The following DERA variants were observed in gnomAD, a reference collection of about 807,000 sequenced individuals.
DERA encodes deoxyribose-phosphate aldolase.
A neutral mutation model predicts 41.1 loss-of-function variants in DERA; 15 were observed. The ratio of observed to expected loss-of-function variants is 0.37; its 90% confidence interval spans 0.24 to 0.56. The LOEUF (loss-of-function observed/expected upper bound fraction) is 0.56, where lower values mean the gene tolerates loss of function less well. Ranked by LOEUF, DERA falls within the 20% of genes least tolerant of loss-of-function variation. DERA has a pLI of 0.81. For missense variants in DERA, 396 were observed against 403.4 expected (o/e 0.98, Z 0.16); for synonymous variants, 139 against 137.4 (o/e 1.01, Z -0.08).
rs1949121443 is a variant in DERA at position 16,035,544 on chromosome 12, C to T, written c.751-688C>T. Among the ~76,000 whole-genome samples, 1 of 152,158 alleles carries T rather than the reference C, an allele frequency of 6.6e-6. No individual in the cohort carries two copies. The highest frequency in any genetic ancestry group is 1.5e-5 in the Non-Finnish European group (1 of 68,016). On this transcript the variant is annotated intron_variant, in intron 7 of 8. Coordinates refer to ENST00000428559, the MANE Select transcript of DERA (RefSeq NM_015954.4). This position sits in a 1 kb window ranked among gnomAD's most constrained non-coding sequence, Gnocchi z 4.1. Reference sequence around the variant, plus strand: ...ATCATTTACGAATATCAGATATTGGCTGAATTCAGCTGTGTTATGATCAAC... The same window carrying T: ...ATCATTTACGAATATCAGATATTGGTTGAATTCAGCTGTGTTATGATCAAC...
chr12:15,926,217 A>G (rs1031449606), intron 1 of DERA, among the ~76,000 whole-genome samples: 6 of 151,384 alleles, frequency 4.0e-5, no homozygotes, highest in Non-Finnish European at 8.8e-5. Context: ...TTTCAAGATG[A>G]AGTCTTGCTA....
At position 15,921,665 on chromosome 12, in the gene DERA, T is replaced by TA. The variant is rs1213492253; in HGVS notation, c.31+10253dup. ...GGCCAGGCATGGTGGCTCATGCCTGTAATCCCAGCATTTTGGGAATCTGAG... is the reference window on the plus strand; with the variant it reads ...GGCCAGGCATGGTGGCTCATGCCTGTAAATCCCAGCATTTTGGGAATCTGAG... On this transcript the variant is annotated intron_variant, in intron 1 of 8. Transcript: ENST00000428559. The surrounding 1 kb of genome is among the most constrained non-coding windows in gnomAD (Gnocchi z 5.3). Among the ~76,000 whole-genome samples, 1 of 152,124 alleles carries TA rather than the reference T, an allele frequency of 6.6e-6. No homozygotes were observed. The highest frequency in any genetic ancestry group is 2.4e-5 in the African/African-American group (1 of 41,428).
chr12:16,024,850 A>G (rs1467930460), intron 6 of DERA, among the ~76,000 whole-genome samples: 1 of 152,186 alleles, frequency 6.6e-6, no homozygotes, highest in Non-Finnish European at 1.5e-5. Flanking sequence ...ATAACAATTT[A>G]AAGTAATAAT....
In DERA at chr12:15,965,917, A is replaced by G. The variant is rs924656447; in HGVS notation, c.508+2970A>G. Among the ~76,000 whole-genome samples, 3 of 151,930 alleles carry G rather than the reference A, an allele frequency of 2.0e-5. No homozygotes were observed. The highest frequency in any genetic ancestry group is 2.1e-4 in the South Asian group (1 of 4,808). ...CATTTTCAGAAGCCCTGCTCTATCT[A>G]TTGGGCATTCTTTCTTCCGTGTCAT... is the stretch of plus-strand genomic sequence containing the variant. On this transcript the variant is annotated intron_variant, in intron 5 of 8. Transcript: ENST00000428559. The surrounding 1 kb of genome is among the most constrained non-coding windows in gnomAD (Gnocchi z 4.1).
At chr12:16,029,155 C>T (rs1949072869) in intron 6 of DERA, among the ~76,000 whole-genome samples, 1 of 152,162 alleles carries the variant, frequency 6.6e-6, no homozygotes, top group Non-Finnish European at 1.5e-5. Context: ...AACAAACTGG[C>T]CGGGCGCGGT....
At chr12:15,923,450 T>G (rs181400879) in intron 1 of DERA, among the ~76,000 whole-genome samples, 4 of 152,302 alleles carry the variant, frequency 2.6e-5, no homozygotes, top group Non-Finnish European at 1.5e-5. Context: ...TTCCCTGTGC[T>G]TGCAGTTCAG....
At position 15,976,469 on chromosome 12, in the gene DERA, C is replaced by T. The variant is rs201390276; in HGVS notation, c.509-5839C>T. Among the ~76,000 whole-genome samples the T allele has an allele frequency of 6.6e-6, 1 of 152,072 alleles. No homozygotes were observed. The highest frequency in any genetic ancestry group is 6.6e-5 in the Admixed American group (1 of 15,262). On this transcript the variant is annotated intron_variant, in intron 5 of 8. Coordinates refer to ENST00000428559, the MANE Select transcript of DERA (RefSeq NM_015954.4). This position sits in a 1 kb window ranked among gnomAD's most constrained non-coding sequence, Gnocchi z 4.1. ...ATGCAGGCCAAGAATTTCTCTAGGC[C>T]CCAGTGACATGGGGGCTAGGTTTCT...
At chr12:15,958,958 A>G (rs1446448172) in intron 3 of DERA, among the ~76,000 whole-genome samples, 1 of 152,188 alleles carries the variant, frequency 6.6e-6, no homozygotes, top group African/African-American at 2.4e-5. Flanking sequence ...GCTAAGCGGC[A>G]TTCCCAAGGC....
Position 15,984,633 on chromosome 12 carries a change from T to A in DERA, c.637+2197T>A, listed in dbSNP as rs114097519. Among the ~76,000 whole-genome samples, 2,330 of 152,266 alleles carry A rather than the reference T, an allele frequency of 0.015. 62 individuals carry two copies. Among genetic ancestry groups the A allele is most frequent in the African/African-American group, 0.053 (2,220 of 41,534 alleles). ...AACCTGTATCACTATTTGAACACTC[T>A]GGTCTTCTGGCTCCAGATTTATTGC... On this transcript the variant is annotated intron_variant, in intron 6 of 8. Transcript: ENST00000428559. The surrounding 1 kb of genome is among the most constrained non-coding windows in gnomAD (Gnocchi z 4.5).
At chr12:16,033,106 G>A (rs1373390717) in intron 7 of DERA, 2 of 158,068 alleles carry the variant, frequency 1.3e-5, no homozygotes, top group African/African-American at 4.8e-5. Context: ...GATATGAAAG[G>A]TATGCAATAT....
chr12:16,036,888 G>C lies in DERA; in HGVS notation c.*142G>C, dbSNP rs1949133263. ...TTTAAAATTTCTACCGAACTTAATG[G>C]AATGGAAAAAGCAAACTCATCCACA... On this transcript the variant is annotated 3_prime_UTR_variant, in exon 9 of 9. Coordinates refer to ENST00000428559, the MANE Select transcript of DERA (RefSeq NM_015954.4). This position sits in a 1 kb window ranked among gnomAD's most constrained non-coding sequence, Gnocchi z 4.9. The C allele has an allele frequency of 3.0e-6, 2 of 656,804 alleles. No individual in the cohort carries two copies. Among genetic ancestry groups the C allele is most frequent in the South Asian group, 1.9e-5 (1 of 51,810 alleles). The allele number at this position is 656,804 out of a possible 1,614,324, so 40.7% of individuals were successfully genotyped here.
chr12:15,939,814 T>A (rs1282124135), intron 1 of DERA, among the ~76,000 whole-genome samples: 3 of 152,236 alleles, frequency 2.0e-5, no homozygotes, highest in Non-Finnish European at 4.4e-5. Context: ...GTGTGTGTAT[T>A]GCCATGAAGA....
chr12:16,023,777 T>C (rs1268901272), intron 6 of DERA, among the ~76,000 whole-genome samples: 2 of 152,192 alleles, frequency 1.3e-5, no homozygotes, highest in African/African-American at 4.8e-5. Context: ...GCGCCCGGCC[T>C]CAAACAGTCT....
intron 1 of DERA, among the ~76,000 whole-genome samples, chr12:15,932,157 C>G (rs1948333191): frequency 6.6e-6 from 1 of 152,142 alleles, no homozygotes; most frequent in Admixed American, 6.5e-5. Flanking sequence ...GATATGAAAA[C>G]TTTTGTCTGT....
chr12:15,963,737 C>T (rs995616929), intron 5 of DERA, among the ~76,000 whole-genome samples: 4 of 151,968 alleles, frequency 2.6e-5, no homozygotes, highest in Non-Finnish European at 4.4e-5. Context: ...AAATAAATGG[C>T]ATATTTTATA....
chr12:15,947,806 A>C (rs1429975609), intron 1 of DERA, among the ~76,000 whole-genome samples: 1 of 152,092 alleles, frequency 6.6e-6, no homozygotes, highest in Non-Finnish European at 1.5e-5. Context: ...CCTAGCATTG[A>C]CGGTCTTTAC....
intron 1 of DERA, among the ~76,000 whole-genome samples, chr12:15,948,662 G>C (rs1278288396): frequency 6.6e-6 from 1 of 152,128 alleles, no homozygotes; most frequent in East Asian, 1.9e-4. Flanking sequence ...TTTTAGCTCG[G>C]AGTAGTTTGA....
chr12:16,022,040 A>G (rs73305309), intron 6 of DERA, among the ~76,000 whole-genome samples: 15,780 of 152,158 alleles, frequency 0.1, 2,512 homozygotes, highest in African/African-American at 0.34. Flanking sequence ...GATTTGAGAG[A>G]CCAGACGCAG....
rs74065508 is a variant in DERA, at chr12:15,918,940, C to T, written c.31+7526C>T. Among the ~76,000 whole-genome samples, 3,389 of 151,978 alleles carry T rather than the reference C, an allele frequency of 0.022. 128 individuals carry two copies. Among genetic ancestry groups the T allele is most frequent in the African/African-American group, 0.078 (3,221 of 41,394 alleles). On this transcript the variant is annotated intron_variant, in intron 1 of 8. Transcript: ENST00000428559. This position sits in a 1 kb window ranked among gnomAD's most constrained non-coding sequence, Gnocchi z 4.3. ...TTTCAGGTATCTAGTGTAATCTTCTCATTATACTATAATGGCTAAGAGTAA... is the reference window on the plus strand; with the variant it reads ...TTTCAGGTATCTAGTGTAATCTTCTTATTATACTATAATGGCTAAGAGTAA...
Sources: gnomAD v4.1 joint callset for allele counts (sites outside exome capture counted in the v4.1 genomes callset) on GRCh38, gnomAD v4.1.1 for gene constraint, Gnocchi (gnomAD v3.1) non-coding constraint, MANE v1.5 for transcripts, NCBI Gene and HGNC (gene_info 2026-07-23, HGNC 2026-07-21) for gene names.